The following SLC25A24 variants were observed in gnomAD, a reference collection of about 807,000 sequenced individuals.
The protein encoded by SLC25A24 is solute carrier family 25 member 24.
SLC25A24 carries 49 observed loss-of-function variants against 60.7 expected under a neutral mutation model. That is an observed-to-expected ratio of 0.81 (90% confidence interval 0.64 to 1.02). SLC25A24 has a LOEUF of 1.02. Among genes scored for constraint, SLC25A24 ranks in the 50% least tolerant of loss-of-function variants. SLC25A24 has a pLI of 0.00. For synonymous variants in SLC25A24, 202 were observed against 200.6 expected (o/e 1.01, Z -0.06); for missense variants, 564 against 586.3 (o/e 0.96, Z 0.39).
chr1:108,197,441 A>C (rs1648528327), intron 1 of SLC25A24, among the ~76,000 whole-genome samples: 1 of 152,122 alleles, frequency 6.6e-6, no homozygotes, highest in East Asian at 1.9e-4. Flanking sequence ...GAAACTTTCC[A>C]CCGAAGAGTC....
At position 108,157,544 on chromosome 1, in the gene SLC25A24, C is replaced by G; in HGVS notation, c.587G>C (p.Arg196Thr). The G allele has an allele frequency of 6.2e-7, 1 of 1,614,156 alleles. No homozygotes were observed. The highest frequency in any genetic ancestry group is 2.2e-5 in the East Asian group (1 of 44,874). Residue 196 changes from arginine (R) to threonine (T), a missense_variant, in exon 5 of 10, where the codon AGG becomes ACG. Physicochemically the swap from Arg to Thr is moderately conservative, Grantham distance 71. Coordinates refer to ENST00000565488, the MANE Select transcript of SLC25A24 (RefSeq NM_013386.5). ...AGCAATGCCTCCTGCCAAAAGCTGC[C>G]TCCACCATTGTCCGGATTTTTTTTC... Reference protein sequence around the residue: ...EDEKKSGQWWRQLLAGGIAGA... With the variant: ...EDEKKSGQWWTQLLAGGIAGA...
At chr1:108,162,386 T>C (rs997978839) in intron 3 of SLC25A24, among the ~76,000 whole-genome samples, 4 of 150,268 alleles carry the variant, frequency 2.7e-5, no homozygotes, top group African/African-American at 9.9e-5. Context: ...TCCACAAGGG[T>C]TGAACTAGTT....
At chr1:108,145,901 A>G (rs938860032) in intron 7 of SLC25A24, among the ~76,000 whole-genome samples, 6 of 152,226 alleles carry the variant, frequency 3.9e-5, no homozygotes, top group Non-Finnish European at 8.8e-5. Context: ...TTTTAGTTTC[A>G]TATGAAATTT....
At chr1:108,144,600 G>T (rs1162727959) in intron 7 of SLC25A24, among the ~76,000 whole-genome samples, 1 of 151,912 alleles carries the variant, frequency 6.6e-6, no homozygotes, top group Non-Finnish European at 1.5e-5. Context: ...CCCCAAAAAG[G>T]CCCCAGTGTG....
chr1:108,171,978 TAA>T, intron 3 of SLC25A24, among the ~76,000 whole-genome samples: 1 of 152,134 alleles, frequency 6.6e-6, no homozygotes, highest in East Asian at 1.9e-4. Flanking sequence ...TTACAAACCA[TAA>T]GTGCCATGAA....
chr1:108,148,444 C>A, intron 6 of SLC25A24, 58 bp from the exon 7 acceptor site: 5 of 931,990 alleles, frequency 5.4e-6, no homozygotes, highest in Middle Eastern at 2.6e-4. Flanking sequence ...AGCTGCACCC[C>A]CACCAAATTC....
intron 4 of SLC25A24, among the ~76,000 whole-genome samples, chr1:108,159,229 T>C (rs1679986840): frequency 6.6e-6 from 1 of 152,160 alleles, no homozygotes; most frequent in South Asian, 2.1e-4. Flanking sequence ...TGAATATTGT[T>C]AAGTGCCTTA....
At chr1:108,188,158 C>T (rs1423348377) in intron 1 of SLC25A24, among the ~76,000 whole-genome samples, 1 of 151,764 alleles carries the variant, frequency 6.6e-6, no homozygotes, top group African/African-American at 2.4e-5. Context: ...TTCTCACATA[C>T]ACATGGGAGC....
chr1:108,185,000 C>G lies in SLC25A24; in HGVS notation c.310+828G>C, dbSNP rs537761593. 5.8e-4 allele frequency among the ~76,000 whole-genome samples: 88 copies of G among 152,260 alleles called. No homozygotes were observed. The South Asian group carries it at 0.015, about 27-fold the overall frequency. ...TGATGAGGGCTTCAAGACCCTATTTCCAATTAGAATTAGATAAGGTCTTCA... is the reference window on the plus strand; with the variant it reads ...TGATGAGGGCTTCAAGACCCTATTTGCAATTAGAATTAGATAAGGTCTTCA... On this transcript the variant is annotated intron_variant, in intron 2 of 9. Transcript: ENST00000565488.
chr1:108,180,981 G>A (rs1271781215), intron 3 of SLC25A24, among the ~76,000 whole-genome samples: 2 of 152,182 alleles, frequency 1.3e-5, no homozygotes, highest in African/African-American at 4.8e-5. Flanking sequence ...TATTACTTTA[G>A]AAGCAGAATA....
chr1:108,158,501 A>C (rs1386097714), intron 4 of SLC25A24, among the ~76,000 whole-genome samples: 1 of 152,332 alleles, frequency 6.6e-6, no homozygotes, highest in Non-Finnish European at 1.5e-5. Flanking sequence ...AAAACTTCAC[A>C]TAGTGTACAA....
intron 1 of SLC25A24, chr1:108,192,463 C>A (rs146726266): frequency 1.4e-6 from 2 of 1,418,840 alleles, no homozygotes; most frequent in Non-Finnish European, 1.9e-6. Flanking sequence ...CCAGCCCCAA[C>A]GTCTCTCTGA....
intron 3 of SLC25A24, among the ~76,000 whole-genome samples, chr1:108,176,261 T>A (rs1253308677): frequency 6.6e-6 from 1 of 151,916 alleles, no homozygotes; most frequent in Non-Finnish European, 1.5e-5. Context: ...GAGCATCAAC[T>A]GCAGAAGTGA....
chr1:108,141,114 G>A (rs1571276675), intron 8 of SLC25A24, among the ~76,000 whole-genome samples: 3 of 152,016 alleles, frequency 2.0e-5, no homozygotes, highest in East Asian at 1.9e-4. Context: ...CCATAAAAAC[G>A]GGAACCCAAA....
At position 108,161,426 on chromosome 1, in the gene SLC25A24, A is replaced by G; in HGVS notation, c.399-133T>C. On this transcript the variant is annotated intron_variant, in intron 3 of 9. Coordinates refer to ENST00000565488, the MANE Select transcript of SLC25A24 (RefSeq NM_013386.5). Reference sequence around the variant, plus strand: ...ATTAAATTAAAAAACCCCATCCACAAATATAGGTTGTTGGAAATGGCAGCA... The same window carrying G: ...ATTAAATTAAAAAACCCCATCCACAGATATAGGTTGTTGGAAATGGCAGCA... 6.5e-6 allele frequency: 4 copies of G among 611,666 alleles called. No individual in the cohort carries two copies. In the South Asian group the frequency reaches 8.0e-5, roughly 12 times the overall value. The allele number at this position is 611,666 out of a possible 1,614,324, so 37.9% of individuals were successfully genotyped here.
intron 9 of SLC25A24, among the ~76,000 whole-genome samples, chr1:108,138,792 T>C (rs1005955223): frequency 6.6e-6 from 1 of 151,956 alleles, no homozygotes; most frequent in Non-Finnish European, 1.5e-5. Context: ...TGTAACACAG[T>C]CAAAAAAAAT....
At chr1:108,167,073 GC>G (rs1370513363) in intron 3 of SLC25A24, among the ~76,000 whole-genome samples, 82 of 110,020 alleles carry the variant, frequency 7.5e-4, no homozygotes, top group African/African-American at 3.2e-3. Context: ...GTGTGCCCCT[GC>G]TGGGGGGTGC....
intron 2 of SLC25A24, among the ~76,000 whole-genome samples, chr1:108,182,525 A>G (rs1325606407): frequency 6.6e-6 from 1 of 152,176 alleles, no homozygotes. Flanking sequence ...AGCACAGACT[A>G]TTCTTTTAAA....
intron 3 of SLC25A24, among the ~76,000 whole-genome samples, chr1:108,180,616 ATCTCTCTCTCTCTCTC>A (rs3043349): frequency 2.3e-3 from 142 of 61,808 alleles, no homozygotes; most frequent in African/African-American, 3.4e-3. Flanking sequence ...CAAGAGAAAG[ATCTCTCTCTCTCTCTC>A]TCTCTCTCTC....
Sources: gnomAD v4.1 joint callset for allele counts (sites outside exome capture counted in the v4.1 genomes callset) on GRCh38, gnomAD v4.1.1 for gene constraint, MANE v1.5 for transcripts, NCBI Gene and HGNC (gene_info 2026-07-23, HGNC 2026-07-21) for gene names.